The following DRAM1 variants were observed in gnomAD, a reference collection of about 807,000 sequenced individuals.
DRAM1 encodes the protein DNA damage-regulated autophagy modulator protein 1.
Under a neutral mutation model 28.5 loss-of-function variants are expected in DRAM1, and 25 were observed. The ratio of observed to expected loss-of-function variants is 0.88; its 90% confidence interval spans 0.64 to 1.23. The LOEUF (loss-of-function observed/expected upper bound fraction) is 1.23, where lower values mean the gene tolerates loss of function less well. DRAM1 is among the 50% of genes most tolerant of loss of function. The pLI, the probability that DRAM1 is intolerant of heterozygous loss-of-function variation, is 0.00. For synonymous variants in DRAM1, 113 were observed against 114.2 expected (o/e 0.99, Z 0.07); for missense variants, 249 against 299.2 (o/e 0.83, Z 1.24).
At chr12:101,882,107 ATT>A (rs78402038) in intron 1 of DRAM1, among the ~76,000 whole-genome samples, 133 of 129,510 alleles carry the variant, frequency 1.0e-3, no homozygotes, top group Middle Eastern at 4.4e-3. Context: ...TGATGGTCTA[ATT>A]TTTTTTTTTT....
intron 6 of DRAM1, among the ~76,000 whole-genome samples, chr12:101,920,564 T>A (rs1331267019): frequency 6.6e-6 from 1 of 152,178 alleles, no homozygotes; most frequent in Non-Finnish European, 1.5e-5. Context: ...TGTTTTCTTT[T>A]AGGAGGTCTC....
chr12:101,880,278 CTTT>C (rs61082909), intron 1 of DRAM1, among the ~76,000 whole-genome samples: 2,215 of 70,056 alleles, frequency 0.032, 109 homozygotes, highest in African/African-American at 0.15. Context: ...GCAATGCTTC[CTTT>C]TTTTTTTTTT....
In DRAM1 at chr12:101,908,173, A is replaced by G. The variant is rs763989214; in HGVS notation, c.343-13A>G. On this transcript the variant is annotated splice_polypyrimidine_tract_variant and intron_variant, in intron 3 of 6. Coordinates refer to ENST00000258534, the MANE Select transcript of DRAM1 (RefSeq NM_018370.3). ...CCACCCAGAGTAACACACATTTATGACTTTTTCTCCAGGAGTTAGCTGTGC... is the reference window on the plus strand; with the variant it reads ...CCACCCAGAGTAACACACATTTATGGCTTTTTCTCCAGGAGTTAGCTGTGC... 6.3e-7 allele frequency: 1 copy of G among 1,598,940 alleles called. No individual in the cohort carries two copies. Among genetic ancestry groups the G allele is most frequent in the Non-Finnish European group, 8.5e-7 (1 of 1,173,766 alleles).
intron 4 of DRAM1, 80 bp downstream of exon 4, chr12:101,908,443 T>C (rs1873907799): frequency 7.1e-7 from 1 of 1,413,218 alleles, no homozygotes; most frequent in South Asian, 1.3e-5. Context: ...ATGAAGACTT[T>C]ATAGGGACCG....
rs575656893 is a variant in DRAM1, at chr12:101,895,680, C to T, written c.132-2183C>T. Among the ~76,000 whole-genome samples the T allele has an allele frequency of 3.3e-5, 5 of 149,990 alleles. No individual in the cohort carries two copies. The South Asian group carries it at 1.1e-3, about 32-fold the overall frequency. ...CCGCCCTCTGAGTTCAAGCGATTCT[C>T]CTGCCTCAGCCTCCGGATTAGCTGG... is the stretch of plus-strand genomic sequence containing the variant. On this transcript the variant is annotated intron_variant, in intron 1 of 6. Coordinates refer to ENST00000258534, the MANE Select transcript of DRAM1 (RefSeq NM_018370.3).
chr12:101,888,891 G>A (rs10745929), intron 1 of DRAM1, among the ~76,000 whole-genome samples: 73,449 of 146,508 alleles, frequency 0.5, 19,071 homozygotes, highest in East Asian at 0.67. Flanking sequence ...TGCAGCGTCT[G>A]CCTTCCGGGC....
chr12:101,921,577 TTTTG>T lies in DRAM1; in HGVS notation c.*321_*324del. 4.8e-6 allele frequency: 1 copy of T among 207,502 alleles called. No individual in the cohort carries two copies. Among genetic ancestry groups the T allele is most frequent in the East Asian group, 1.1e-4 (1 of 8,748 alleles). 12.9% of individuals were successfully genotyped at this position (207,502 alleles called of 1,614,324 possible). A position where few individuals can be genotyped will look rare whatever the true frequency, so the allele number is the denominator to read the frequency against. ...CTTATTTTTGTACAGATTCTGTCGT[TTTTG>T]TTTTATTTGTGTGAGATTTATGGAA... On this transcript the variant is annotated 3_prime_UTR_variant, in exon 7 of 7. Transcript: ENST00000258534.
At chr12:101,891,216 T>C (rs1385267969) in intron 1 of DRAM1, among the ~76,000 whole-genome samples, 1 of 152,224 alleles carries the variant, frequency 6.6e-6, no homozygotes, top group African/African-American at 2.4e-5. Context: ...GTTCTCTTTA[T>C]ACTGGGGAAT....
chr12:101,916,410 G>A (rs1874245717), intron 5 of DRAM1, among the ~76,000 whole-genome samples: 1 of 152,206 alleles, frequency 6.6e-6, no homozygotes, highest in Admixed American at 6.5e-5. Context: ...AAGCTGAGGT[G>A]GAAGGATCAC....
At chr12:101,917,655 A>G (rs978506329) in intron 5 of DRAM1, among the ~76,000 whole-genome samples, 1 of 150,866 alleles carries the variant, frequency 6.6e-6, no homozygotes, top group African/African-American at 2.5e-5. Flanking sequence ...GATCATGCCA[A>G]TGCACTCCAG....
chr12:101,899,081 G>T (rs1873496084), intron 2 of DRAM1, among the ~76,000 whole-genome samples: 1 of 152,184 alleles, frequency 6.6e-6, no homozygotes, highest in South Asian at 2.1e-4. Flanking sequence ...TACTGGTACA[G>T]TGTGAGAAGG....
At chr12:101,889,222 G>A (rs1313842860) in intron 1 of DRAM1, among the ~76,000 whole-genome samples, 1 of 152,174 alleles carries the variant, frequency 6.6e-6, no homozygotes, top group Non-Finnish European at 1.5e-5. Flanking sequence ...GCTGGCTCCA[G>A]AAGAAATAGC....
At chr12:101,887,914 G>A (rs1872948183) in intron 1 of DRAM1, among the ~76,000 whole-genome samples, 1 of 152,014 alleles carries the variant, frequency 6.6e-6, no homozygotes, top group South Asian at 2.1e-4. Context: ...CAGTGGTGAT[G>A]TTGGCTTTCC....
At chr12:101,895,602 A>C (rs1873336020) in intron 1 of DRAM1, among the ~76,000 whole-genome samples, 2 of 104,324 alleles carry the variant, frequency 1.9e-5, no homozygotes, top group Admixed American at 1.3e-4. Context: ...AAGGAGTCTC[A>C]CTCTGTCACC....
In DRAM1 at chr12:101,897,488, G is replaced by A. The variant is rs534153042; in HGVS notation, c.132-375G>A. 7.9e-5 allele frequency among the ~76,000 whole-genome samples: 12 copies of A among 151,890 alleles called. No individual in the cohort carries two copies. In the East Asian group the frequency reaches 2.3e-3, roughly 29 times the overall value. Reference sequence around the variant, plus strand: ...AGTGCTGGGATTACAGGTGTGAGCCGCTGCACCCGGCCTCAAACATGATTT... The same window carrying A: ...AGTGCTGGGATTACAGGTGTGAGCCACTGCACCCGGCCTCAAACATGATTT... On this transcript the variant is annotated intron_variant, in intron 1 of 6. Coordinates refer to ENST00000258534, the MANE Select transcript of DRAM1 (RefSeq NM_018370.3).
chr12:101,918,248 T>C (rs955568116), intron 5 of DRAM1, among the ~76,000 whole-genome samples: 2 of 152,236 alleles, frequency 1.3e-5, no homozygotes, highest in African/African-American at 4.8e-5. Flanking sequence ...AATGTCACTG[T>C]CTCATTTCAC....
intron 1 of DRAM1, among the ~76,000 whole-genome samples, chr12:101,889,485 G>T (rs934659394): frequency 6.6e-6 from 1 of 150,556 alleles, no homozygotes; most frequent in African/African-American, 2.5e-5. Flanking sequence ...AAGAGAAGAA[G>T]GAAGGAAGTA....
At chr12:101,887,653 C>T (rs937861913) in intron 1 of DRAM1, among the ~76,000 whole-genome samples, 4 of 151,904 alleles carry the variant, frequency 2.6e-5, no homozygotes, top group Non-Finnish European at 5.9e-5. Flanking sequence ...GCCTCAACCC[C>T]CTGAGTAGCT....
intron 3 of DRAM1, among the ~76,000 whole-genome samples, chr12:101,907,199 C>CAAAAAAAAAAAA (rs397965756): frequency 1.2e-5 from 1 of 85,154 alleles, no homozygotes; most frequent in African/African-American, 4.6e-5. Context: ...GACCCTGTCT[C>CAAAAAAAAAAAA]AAAAAAAAAA....
Sources: allele counts gnomAD v4.1 joint callset (sites outside exome capture counted in the v4.1 genomes callset), GRCh38; gene constraint gnomAD v4.1.1; transcripts MANE v1.5; gene names NCBI Gene and HGNC (gene_info 2026-07-23, HGNC 2026-07-21).